Variants in IL1RAPL2 observed in about 807,000 individuals in gnomAD.
The protein encoded by IL1RAPL2 is X-linked interleukin-1 receptor accessory protein-like 2.
A neutral mutation model predicts 44.1 loss-of-function variants in IL1RAPL2; 3 were observed. That is an observed-to-expected ratio of 0.07 (90% CI 0.03 to 0.18). The LOEUF is 0.18. Among genes scored for constraint, IL1RAPL2 ranks in the 10% least tolerant of loss-of-function variants. The pLI is 1.00. For synonymous variants in IL1RAPL2, 181 were observed against 178.8 expected (o/e 1.01, Z -0.10); for missense variants, 391 against 496.4 (o/e 0.79, Z 2.02).
chrX:104,685,184 A>G (rs967047592), intron 2 of IL1RAPL2, among the ~76,000 whole-genome samples: 2 of 112,012 alleles, frequency 1.8e-5, no homozygotes, highest in Non-Finnish European at 3.8e-5. Flanking sequence ...TTACCTTTTG[A>G]TTCTCTTAAC....
chrX:104,600,159 GATAA>G (rs1289561182), intron 1 of IL1RAPL2, among the ~76,000 whole-genome samples: 1 of 112,089 alleles, frequency 8.9e-6, no homozygotes, highest in Admixed American at 9.5e-5. Flanking sequence ...TATCTACAGG[GATAA>G]ATAAAATACA....
chrX:105,273,341 C>G (rs1270907149), intron 5 of IL1RAPL2, among the ~76,000 whole-genome samples: 1 of 111,101 alleles, frequency 9.0e-6, no homozygotes, highest in Non-Finnish European at 1.9e-5. Context: ...TCCCCACCCT[C>G]CCCGGAGGCT....
At chrX:105,758,411 C>A (rs960387377) in intron 10 of IL1RAPL2, among the ~76,000 whole-genome samples, 2 of 86,813 alleles carry the variant, frequency 2.3e-5, no homozygotes, top group Admixed American at 1.2e-4. Context: ...ACATGAAAAT[C>A]TCTCTCTCTC....
intron 2 of IL1RAPL2, among the ~76,000 whole-genome samples, chrX:104,944,554 T>C (rs1925292764): frequency 8.9e-6 from 1 of 111,765 alleles, no homozygotes; most frequent in Non-Finnish European, 1.9e-5. Context: ...ATTTAAATTG[T>C]CAACCTCAGA....
chrX:105,138,495 C>T lies in IL1RAPL2; in HGVS notation c.83-56980C>T, dbSNP rs934412729. ...TACCAAAAAAAAAAAAAAAAAAAAG[C>T]AGAAAATGAAAAATCACCAAAAAGA... On this transcript the variant is annotated intron_variant, in intron 2 of 10. Transcript: ENST00000372582. Among the ~76,000 whole-genome samples, 289 of 80,464 alleles carry T rather than the reference C, an allele frequency of 3.6e-3. 3 individuals are homozygous for T. The highest frequency in any genetic ancestry group is 0.013 in the African/African-American group (280 of 21,345). The allele number at this position is 80,464 out of a possible 115,157, so 69.9% of individuals were successfully genotyped here. A position where few individuals can be genotyped will look rare whatever the true frequency, so the allele number is the denominator to read the frequency against.
intron 6 of IL1RAPL2, among the ~76,000 whole-genome samples, chrX:105,629,310 T>C (rs1284474702): frequency 8.9e-6 from 1 of 111,841 alleles, no homozygotes. Context: ...TTCAGCCTCC[T>C]GTCAGGCTCT....
At chrX:104,598,378 G>A (rs1047623901) in intron 1 of IL1RAPL2, among the ~76,000 whole-genome samples, 5 of 112,003 alleles carry the variant, frequency 4.5e-5, no homozygotes, top group Non-Finnish European at 7.5e-5. Flanking sequence ...CTCAGCAACT[G>A]GTGTGAACAC....
At chrX:105,074,699 T>C (rs2032264158) in intron 2 of IL1RAPL2, among the ~76,000 whole-genome samples, 1 of 107,353 alleles carries the variant, frequency 9.3e-6, no homozygotes, top group Admixed American at 1.0e-4. Context: ...CATTTGTTTG[T>C]ATCCTCTTTT....
chrX:104,693,481 TA>T (rs775364282), intron 2 of IL1RAPL2, among the ~76,000 whole-genome samples: 5 of 111,832 alleles, frequency 4.5e-5, no homozygotes, highest in Admixed American at 9.5e-5. Flanking sequence ...ACTCTTATTT[TA>T]AAGGCACTTG....
intron 6 of IL1RAPL2, among the ~76,000 whole-genome samples, chrX:105,668,809 C>G (rs1032549410): frequency 5.4e-5 from 6 of 111,549 alleles, no homozygotes; most frequent in African/African-American, 2.0e-4. Flanking sequence ...ATTAGTGGGT[C>G]CCAGGCACAA....
chrX:105,378,651 G>T (rs2035406046), intron 5 of IL1RAPL2, among the ~76,000 whole-genome samples: 2 of 111,649 alleles, frequency 1.8e-5, no homozygotes, highest in African/African-American at 3.2e-5. Flanking sequence ...AGAAAAAAAT[G>T]TTTTTTCTGA....
chrX:105,153,672 G>A (rs149471251), intron 2 of IL1RAPL2, among the ~76,000 whole-genome samples: 1,321 of 111,529 alleles, frequency 0.012, 8 homozygotes, highest in Non-Finnish European at 0.018. Flanking sequence ...GTATACATTG[G>A]TTTGTCCCAG....
chrX:104,578,905 T>A (rs148896085), intron 1 of IL1RAPL2, among the ~76,000 whole-genome samples: 1,296 of 111,650 alleles, frequency 0.012, 11 homozygotes, highest in Non-Finnish European at 0.018. Context: ...AACTTAATAT[T>A]CATAATAATG....
intron 2 of IL1RAPL2, among the ~76,000 whole-genome samples, chrX:105,172,468 A>G (rs2033432028): frequency 9.0e-6 from 1 of 111,698 alleles, no homozygotes; most frequent in Non-Finnish European, 1.9e-5. Context: ...TACCAAGCTC[A>G]TTCAAGTTGT....
chrX:104,636,226 G>A (rs1033355977), intron 1 of IL1RAPL2, among the ~76,000 whole-genome samples: 5 of 111,552 alleles, frequency 4.5e-5, no homozygotes, highest in East Asian at 2.9e-4. Context: ...AGGAGTACCC[G>A]GGCATGTGAG....
intron 2 of IL1RAPL2, among the ~76,000 whole-genome samples, chrX:105,087,561 A>T (rs1303680267): frequency 8.9e-6 from 1 of 112,201 alleles, no homozygotes; most frequent in East Asian, 2.8e-4. Flanking sequence ...ACTGAATGTA[A>T]GGATAAAGGC....
At chrX:105,182,941 G>A (rs2033547918) in intron 2 of IL1RAPL2, among the ~76,000 whole-genome samples, 1 of 111,227 alleles carries the variant, frequency 9.0e-6, no homozygotes, top group Non-Finnish European at 1.9e-5. Context: ...GCAGGTAGTG[G>A]GGATAGTGGC....
At chrX:105,495,465 A>G (rs894293846) in intron 6 of IL1RAPL2, among the ~76,000 whole-genome samples, 14 of 112,359 alleles carry the variant, frequency 1.2e-4, no homozygotes, top group African/African-American at 4.5e-4. Context: ...GAGCCTATGT[A>G]TATTGAAATG....
chrX:104,840,463 T>A (rs1007598777), intron 2 of IL1RAPL2, among the ~76,000 whole-genome samples: 35 of 111,694 alleles, frequency 3.1e-4, no homozygotes, highest in African/African-American at 1.1e-3. Flanking sequence ...TTGCATTTGC[T>A]GAGGAGTGTT....
Sources: gnomAD v4.1 joint callset for allele counts (sites outside exome capture counted in the v4.1 genomes callset) on GRCh38, gnomAD v4.1.1 for gene constraint, MANE v1.5 for transcripts, NCBI Gene and HGNC (gene_info 2026-07-23, HGNC 2026-07-21) for gene names.